Variants in RHPN2 observed in about 807,000 individuals in gnomAD.
RHPN2 encodes rhophilin Rho GTPase binding protein 2, also known as rhophilin-2.
Under a neutral mutation model 79.0 loss-of-function variants are expected in RHPN2, and 40 were observed. The observed-to-expected ratio is 0.51, with a 90% CI of 0.39 to 0.66. The LOEUF (loss-of-function observed/expected upper bound fraction) is 0.66. Ranked by LOEUF, RHPN2 falls within the 30% of genes least tolerant of loss-of-function variation. The probability of loss-of-function intolerance (pLI) is 0.00; values close to 1 mark genes in which losing one functional copy is unlikely to be tolerated. For synonymous variants in RHPN2, 285 were observed against 363.5 expected, an observed-to-expected ratio of 0.78 and a Z score of 2.46; for missense variants, 686 against 883.5, an observed-to-expected ratio of 0.78 and a Z score of 2.83.
chr19:32,991,768 A>C, intron 13 of RHPN2, 55 bp downstream of exon 13: 2 of 1,612,730 alleles, frequency 1.2e-6, no homozygotes, highest in Non-Finnish European at 1.7e-6. Flanking sequence ...CCCACCCTAA[A>C]TTCAATCACC....
intron 1 of RHPN2, among the ~76,000 whole-genome samples, chr19:33,060,579 C>A (rs977945529): frequency 2.0e-5 from 3 of 151,744 alleles, no homozygotes; most frequent in Non-Finnish European, 2.9e-5. Flanking sequence ...GTCATCCAGG[C>A]TGGAGTGCAG....
intron 1 of RHPN2, among the ~76,000 whole-genome samples, chr19:33,060,518 G>A (rs576522660): frequency 1.3e-5 from 2 of 152,130 alleles, no homozygotes; most frequent in East Asian, 1.9e-4. Context: ...GTGTTTACAC[G>A]GCCGTTTCTT....
Position 32,994,113 on chromosome 19 carries a change from T to C in RHPN2, c.1421-60A>G, listed in dbSNP as rs375992631. On this transcript the variant is annotated intron_variant, in intron 11 of 14. Transcript: ENST00000254260. ...TTTCTGTAATTGAAAGTGATCCTAA[T>C]AGTCCAGTGTTGTGGCTCACGCCTG... is the stretch of plus-strand genomic sequence containing the variant. 42 of 1,257,214 alleles carry C rather than the reference T, an allele frequency of 3.3e-5. No homozygotes were observed. The African/African-American group carries it at 3.6e-4, about 11-fold the overall frequency. The allele number at this position is 1,257,214 out of a possible 1,614,324, so 77.9% of individuals were successfully genotyped here.
In RHPN2 at chr19:33,037,063, C is replaced by T. The variant is rs544400376; in HGVS notation, c.185+7186G>A. On this transcript the variant is annotated intron_variant, in intron 2 of 14. Transcript: ENST00000254260. ...TCCACTGGGTGAAGCCAGCTGGGCTCCTGAGTCTGGTGGGGACGTGGAGAA... is the reference window on the plus strand; with the variant it reads ...TCCACTGGGTGAAGCCAGCTGGGCTTCTGAGTCTGGTGGGGACGTGGAGAA... 3.9e-5 allele frequency among the ~76,000 whole-genome samples: 6 copies of T among 152,352 alleles called. No homozygotes were observed. The East Asian group carries it at 9.7e-4, about 25-fold the overall frequency.
intron 4 of RHPN2, among the ~76,000 whole-genome samples, chr19:33,020,599 G>C (rs182239759): frequency 6.6e-6 from 1 of 151,276 alleles, no homozygotes; most frequent in Non-Finnish European, 1.5e-5. Context: ...TTCCAGGTTC[G>C]AACGACTCAC....
At chr19:33,052,381 A>G (rs1972196223) in intron 1 of RHPN2, among the ~76,000 whole-genome samples, 1 of 152,184 alleles carries the variant, frequency 6.6e-6, no homozygotes. Context: ...TCAGGCGTAA[A>G]ACTAAGTGAG....
At chr19:32,983,791 T>A (rs1971595853) in intron 14 of RHPN2, among the ~76,000 whole-genome samples, 2 of 151,924 alleles carry the variant, frequency 1.3e-5, no homozygotes, top group Non-Finnish European at 2.9e-5. Flanking sequence ...CACACCCAGA[T>A]AATTTTTGTA....
intron 14 of RHPN2, among the ~76,000 whole-genome samples, chr19:32,981,860 C>T (rs951916045): frequency 1.3e-5 from 2 of 151,662 alleles, no homozygotes; most frequent in African/African-American, 4.8e-5. Flanking sequence ...TTTTCATCTT[C>T]CTCAGCTGAA....
chr19:32,986,854 TA>T (rs1971616658), intron 14 of RHPN2, among the ~76,000 whole-genome samples: 1 of 151,854 alleles, frequency 6.6e-6, no homozygotes, highest in Non-Finnish European at 1.5e-5. Context: ...TTCACCATTT[TA>T]ATACCCTTCT....
chr19:33,057,829 A>G (rs1006859628), intron 1 of RHPN2, among the ~76,000 whole-genome samples: 2 of 152,026 alleles, frequency 1.3e-5, no homozygotes, highest in Admixed American at 6.6e-5. Flanking sequence ...CTGTACAGCC[A>G]AGTCATCCTA....
chr19:33,007,215 G>A (rs1246946712), intron 7 of RHPN2, among the ~76,000 whole-genome samples: 2 of 151,930 alleles, frequency 1.3e-5, no homozygotes, highest in Non-Finnish European at 1.5e-5. Flanking sequence ...GGCAGGGTGC[G>A]GTGGCTCATG....
rs369874723 is a variant in RHPN2, at chr19:33,020,457, A to G, written c.390+1114T>C. ...TCTCTCGTGCCTCAGCCTCTCGAGT[A>G]ACTAGGATTACAGGCATATGCCACT... On this transcript the variant is annotated intron_variant, in intron 4 of 14. Coordinates refer to ENST00000254260, the MANE Select transcript of RHPN2 (RefSeq NM_033103.5). Among the ~76,000 whole-genome samples, 305 of 143,974 alleles carry G rather than the reference A, an allele frequency of 2.1e-3. 1 individual carries two copies. Among genetic ancestry groups the G allele is most frequent in the African/African-American group, 7.9e-3 (296 of 37,458 alleles). The allele number at this position is 143,974 out of a possible 152,430, so 94.5% of individuals were successfully genotyped here.
intron 1 of RHPN2, among the ~76,000 whole-genome samples, chr19:33,052,123 A>AT (rs905230466): frequency 9.9e-5 from 15 of 151,808 alleles, no homozygotes; most frequent in East Asian, 1.9e-4. Flanking sequence ...TTAAAAAAAA[A>AT]ATATAAAACT....
chr19:33,017,151 G>T lies in RHPN2; in HGVS notation c.390+4420C>A, dbSNP rs139391396. 2.7e-3 allele frequency among the ~76,000 whole-genome samples: 407 copies of T among 152,236 alleles called. 4 individuals are homozygous for T. The highest frequency in any genetic ancestry group is 9.2e-3 in the African/African-American group (383 of 41,536). On this transcript the variant is annotated intron_variant, in intron 4 of 14. Coordinates refer to ENST00000254260, the MANE Select transcript of RHPN2 (RefSeq NM_033103.5). Reference sequence around the variant, plus strand: ...CCCAGCACTTTGGGAGGCTGAGGCGGGTGGATCATCTGAGGTCATGAGTTC... The same window carrying T: ...CCCAGCACTTTGGGAGGCTGAGGCGTGTGGATCATCTGAGGTCATGAGTTC...
chr19:33,011,587 G>A, intron 6 of RHPN2, 92 bp downstream of exon 6: 1 of 1,519,834 alleles, frequency 6.6e-7, no homozygotes. Flanking sequence ...AGGTGCACAG[G>A]GGCACCCGCA....
intron 4 of RHPN2, among the ~76,000 whole-genome samples, chr19:33,014,425 C>T (rs1467330988): frequency 6.6e-6 from 1 of 152,100 alleles, no homozygotes; most frequent in African/African-American, 2.4e-5. Flanking sequence ...CCCACTTCAG[C>T]CTCTCCAGGA....
intron 14 of RHPN2, among the ~76,000 whole-genome samples, chr19:32,987,132 C>A (rs185527233): frequency 6.6e-6 from 1 of 152,038 alleles, no homozygotes; most frequent in Non-Finnish European, 1.5e-5. Context: ...ACTGCCTCAG[C>A]CTCTCAAAGT....
chr19:33,024,197 G>A (rs1233105102), intron 3 of RHPN2, among the ~76,000 whole-genome samples: 1 of 152,106 alleles, frequency 6.6e-6, no homozygotes, highest in Admixed American at 6.6e-5. Context: ...ACTTTGGGAG[G>A]CTGAGGTGGG....
intron 14 of RHPN2, among the ~76,000 whole-genome samples, chr19:32,989,991 C>G (rs7250011): frequency 0.8 from 120,986 of 152,014 alleles, 49,044 homozygotes; most frequent in African/African-American, 0.95. Flanking sequence ...TGTAGTCCCA[C>G]CTGCTTGGGA....
Sources: gnomAD v4.1 joint callset for allele counts (sites outside exome capture counted in the v4.1 genomes callset) on GRCh38, gnomAD v4.1.1 for gene constraint, MANE v1.5 for transcripts, NCBI Gene and HGNC (gene_info 2026-07-23, HGNC 2026-07-21) for gene names.